Variants in IL34 observed in about 807,000 individuals in gnomAD.
The protein encoded by IL34 is interleukin 34.
IL34 carries 17 observed loss-of-function variants against 25.3 expected under a neutral mutation model. The observed-to-expected ratio is 0.67, with a 90% CI of 0.46 to 1.01. The LOEUF (loss-of-function observed/expected upper bound fraction) is 1.01. Among genes scored for constraint, IL34 ranks in the 50% least tolerant of loss-of-function variants. The pLI is 0.00. For missense variants in IL34, 368 were observed against 312.9 expected, an observed-to-expected ratio of 1.18 and a Z score of -1.33; for synonymous variants, 174 against 140.9, an observed-to-expected ratio of 1.23 and a Z score of -1.66.
At position 70,646,577 on chromosome 16, in the gene IL34, C is replaced by A; in HGVS notation, c.-371C>A. 1 of 290,454 alleles carries A rather than the reference C, an allele frequency of 3.4e-6. No homozygotes were observed. Among genetic ancestry groups the A allele is most frequent in the Non-Finnish European group, 6.3e-6 (1 of 157,652 alleles). 18.0% of individuals were successfully genotyped at this position (290,454 alleles called of 1,614,324 possible). ...AGATTTCACACTGAGCAGCTGCAGT[C>A]GGAGAAATCAGAGAAAGCGTCACCC... On this transcript the variant is annotated 5_prime_UTR_variant, in exon 1 of 6. Coordinates refer to ENST00000288098, the MANE Select transcript of IL34 (RefSeq NM_001393494.1).
chr16:70,654,281 G>T (rs1178691869), intron 1 of IL34: 2 of 340,810 alleles, frequency 5.9e-6, no homozygotes, highest in Non-Finnish European at 5.3e-6. Context: ...CGACCCTGAG[G>T]CGTGCCTCCT....
At chr16:70,583,625 G>C (rs1477539055) in intron 1 of IL34, among the ~76,000 whole-genome samples, 1 of 151,918 alleles carries the variant, frequency 6.6e-6, no homozygotes. Context: ...TGGGTGCTGG[G>C]TTCTGGTCCC....
At chr16:70,597,130 A>G (rs7196201) in intron 1 of IL34, among the ~76,000 whole-genome samples, 15,318 of 151,894 alleles carry the variant, frequency 0.1, 1,883 homozygotes, top group African/African-American at 0.27. Flanking sequence ...TTCCCAAGTG[A>G]CACTGCTTTG....
At chr16:70,650,728 T>C (rs2052057478) in intron 1 of IL34, among the ~76,000 whole-genome samples, 1 of 152,224 alleles carries the variant, frequency 6.6e-6, no homozygotes, top group Non-Finnish European at 1.5e-5. Context: ...CAGCTTTACC[T>C]GGGACCTTGT....
chr16:70,610,979 T>TTTG (rs10636466), intron 1 of IL34, among the ~76,000 whole-genome samples: 81,310 of 151,656 alleles, frequency 0.54, 22,081 homozygotes, highest in South Asian at 0.69. Flanking sequence ...CTTTCTTCTT[T>TTTG]TTGTTGTTGT....
In IL34 at chr16:70,659,629, C is replaced by T. The variant is rs1396186229; in HGVS notation, c.414C>T (p.Val138=). The T allele has an allele frequency of 8.7e-6, 14 of 1,608,056 alleles. No individual in the cohort carries two copies. Among genetic ancestry groups the T allele is most frequent in the Non-Finnish European group, 1.2e-5 (14 of 1,175,730 alleles). Residue 138 remains valine (V), a synonymous_variant, in exon 5 of 6, where the codon GTC becomes GTT. Transcript: ENST00000288098. ...NVQQGLTDVE[V]SPKVESVLSL... ...TTCCTCCTTTCCAGGATGTGGAGGTCAGCCCCAAGGTGGAATCCGTGTTGT... is the reference window on the plus strand; with the variant it reads ...TTCCTCCTTTCCAGGATGTGGAGGTTAGCCCCAAGGTGGAATCCGTGTTGT...
At position 70,657,051 on chromosome 16, in the gene IL34, A is replaced by C. The variant is rs751544519; in HGVS notation, c.332A>C (p.Glu111Ala). The C allele has an allele frequency of 6.2e-7, 1 of 1,612,716 alleles. No individual in the cohort carries two copies. The highest frequency in any genetic ancestry group is 1.1e-5 in the South Asian group (1 of 90,998). Residue 111 changes from glutamate (E) to alanine (A), a missense_variant, in exon 4 of 6, where the codon GAG becomes GCG. Coordinates refer to ENST00000288098, the MANE Select transcript of IL34 (RefSeq NM_001393494.1). ...GAGTCGGTGCAGGACGTGCTGCTCG[A>C]GGGCCACCCATCCTGGAAGTACCTG... ...ATESVQDVLLEGHPSWKYLQE... is the reference protein window; with the variant it reads ...ATESVQDVLLAGHPSWKYLQE...
At chr16:70,627,912 C>G (rs901013436) in intron 1 of IL34, among the ~76,000 whole-genome samples, 2 of 152,172 alleles carry the variant, frequency 1.3e-5, no homozygotes, top group African/African-American at 2.4e-5. Context: ...TAACACATGG[C>G]TTTTGGTGCC....
At chr16:70,604,796 G>A (rs2050974453) in intron 1 of IL34, among the ~76,000 whole-genome samples, 1 of 152,248 alleles carries the variant, frequency 6.6e-6, no homozygotes, top group Non-Finnish European at 1.5e-5. Flanking sequence ...GCTAAAGGAA[G>A]AGCGGGGACC....
chr16:70,599,331 C>G (rs1471386825), intron 1 of IL34, among the ~76,000 whole-genome samples: 9 of 51,264 alleles, frequency 1.8e-4, no homozygotes, highest in South Asian at 1.3e-3. Flanking sequence ...CTTTCTTTCT[C>G]TCTTTCTTTC....
chr16:70,599,531 ATTTT>A (rs571022559), intron 1 of IL34, among the ~76,000 whole-genome samples: 1 of 132,916 alleles, frequency 7.5e-6, no homozygotes, highest in African/African-American at 2.7e-5. Context: ...TAATTTTTGT[ATTTT>A]TTTTTTTTTT....
chr16:70,597,756 G>T (rs1238769800), intron 1 of IL34, among the ~76,000 whole-genome samples: 1 of 152,178 alleles, frequency 6.6e-6, no homozygotes, highest in Non-Finnish European at 1.5e-5. Context: ...TATCCATTTT[G>T]TTGTCAAGGA....
chr16:70,587,085 C>T (rs1441191987), intron 1 of IL34, among the ~76,000 whole-genome samples: 1 of 152,120 alleles, frequency 6.6e-6, no homozygotes, highest in Non-Finnish European at 1.5e-5. Context: ...GATCCAGGGG[C>T]TGGGGTTAGT....
chr16:70,634,725 A>G lies in IL34; in HGVS notation c.-400-11823A>G, dbSNP rs149716476. On this transcript the variant is annotated intron_variant, in intron 1 of 6. Coordinates refer to the IL34 transcript ENST00000429149. ...CCAAAGTTCCCTAATGCCCCTTTCC[A>G]GTCAGATCCTTACCACCACCAGCCA... 4.4e-3 allele frequency among the ~76,000 whole-genome samples: 665 copies of G among 151,814 alleles called. 1 individual carries two copies. The highest frequency in any genetic ancestry group is 6.6e-3 in the Non-Finnish European group (448 of 67,956).
chr16:70,603,023 G>T (rs2050942000), intron 1 of IL34, among the ~76,000 whole-genome samples: 1 of 151,974 alleles, frequency 6.6e-6, no homozygotes, highest in Admixed American at 6.6e-5. Flanking sequence ...GGGAGCCCCG[G>T]CTGTTTTTCT....
At position 70,647,040 on chromosome 16, in the gene IL34, G is replaced by T. The variant is rs750754050; in HGVS notation, c.28+65G>T. 7 of 1,331,752 alleles carry T rather than the reference G, an allele frequency of 5.3e-6. No individual in the cohort carries two copies. In the African/African-American group the frequency reaches 1.1e-4, roughly 21 times the overall value. 82.5% of individuals were successfully genotyped at this position (1,331,752 alleles called of 1,614,324 possible). On this transcript the variant is annotated intron_variant, in intron 1 of 5. Coordinates refer to ENST00000288098, the MANE Select transcript of IL34 (RefSeq NM_001393494.1). ...CCTTGGCCTAGATCCAGGATCTGCC[G>T]TAACCATAGCAACCAGGGCATTCTT...
At chr16:70,592,693 C>T (rs2050770152) in intron 1 of IL34, among the ~76,000 whole-genome samples, 2 of 152,056 alleles carry the variant, frequency 1.3e-5, no homozygotes, top group South Asian at 2.1e-4. Flanking sequence ...CTCACTCTGT[C>T]GTCCAGGCTG....
intron 1 of IL34, among the ~76,000 whole-genome samples, chr16:70,610,495 C>T (rs2051074734): frequency 6.6e-6 from 1 of 152,210 alleles, no homozygotes; most frequent in African/African-American, 2.4e-5. Flanking sequence ...GTGCCAGGCC[C>T]TGAGGACACA....
intron 1 of IL34, among the ~76,000 whole-genome samples, chr16:70,586,425 G>A (rs1380889428): frequency 1.3e-5 from 2 of 152,150 alleles, no homozygotes; most frequent in African/African-American, 4.8e-5. Flanking sequence ...CTGGTGGTGT[G>A]TGTGCCTGTA....
Sources: allele counts gnomAD v4.1 joint callset (sites outside exome capture counted in the v4.1 genomes callset), GRCh38; gene constraint gnomAD v4.1.1; transcripts MANE v1.5; gene names NCBI Gene and HGNC (gene_info 2026-07-23, HGNC 2026-07-21).